GABRG3: variants seen among roughly 807,000 people sequenced by gnomAD.
GABRG3 encodes the protein gamma-aminobutyric acid type A receptor subunit gamma3, also known as gamma-aminobutyric acid receptor subunit gamma-3.
In GABRG3, 25 loss-of-function variants were observed where a neutral mutation model predicts 48.8. That is an observed-to-expected ratio of 0.51 (90% CI 0.37 to 0.72). The LOEUF (loss-of-function observed/expected upper bound fraction) is 0.72, where lower values mean the gene tolerates loss of function less well. GABRG3 is among the 30% of genes least tolerant of loss of function. The pLI is 0.00. For missense variants in GABRG3, 394 were observed against 577.9 expected (o/e 0.68, Z 3.26); for synonymous variants, 227 against 217.6 (o/e 1.04, Z -0.38).
intron 3 of GABRG3, among the ~76,000 whole-genome samples, chr15:27,071,213 G>T (rs182725012): frequency 1.4e-4 from 21 of 152,278 alleles, no homozygotes; most frequent in Non-Finnish European, 2.8e-4. Flanking sequence ...ACCCTTTGGG[G>T]CCAAAGCTGC....
chr15:27,350,385 G>T, intron 5 of GABRG3: 1 of 310,894 alleles, frequency 3.2e-6, no homozygotes, highest in Non-Finnish European at 6.5e-6. Flanking sequence ...TGAATTAAAA[G>T]TTCAAAATCA....
rs113680551 is a variant in GABRG3 at position 27,253,405 on chromosome 15, T to A, written c.271-73404T>A. Among the ~76,000 whole-genome samples, 583 of 152,306 alleles carry A rather than the reference T, an allele frequency of 3.8e-3. 4 individuals carry two copies. The highest frequency in any genetic ancestry group is 0.013 in the African/African-American group (557 of 41,574). On this transcript the variant is annotated intron_variant, in intron 3 of 9. Transcript: ENST00000615808. ...TCTCCTTCTGCCTTAGCGTGGAGGC[T>A]GCTTGCTCTTCCCTCCCCAAGCTGT...
At chr15:27,528,628 T>C (rs754705674) in intron 9 of GABRG3, among the ~76,000 whole-genome samples, 2 of 152,224 alleles carry the variant, frequency 1.3e-5, no homozygotes, top group African/African-American at 4.8e-5. Flanking sequence ...TCCCGAACTT[T>C]CCCTGCATTC....
At chr15:27,140,897 A>G (rs1485133454) in intron 3 of GABRG3, among the ~76,000 whole-genome samples, 1 of 152,134 alleles carries the variant, frequency 6.6e-6, no homozygotes. Context: ...AGAGTGAGGG[A>G]CTGAAAACGG....
chr15:27,485,726 C>T (rs1328101853), intron 6 of GABRG3, among the ~76,000 whole-genome samples: 1 of 152,066 alleles, frequency 6.6e-6, no homozygotes, highest in Admixed American at 6.6e-5. Context: ...AAAAATAACA[C>T]AGGTATCTGA....
intron 3 of GABRG3, among the ~76,000 whole-genome samples, chr15:27,263,627 A>G (rs1364500691): frequency 6.6e-6 from 1 of 152,194 alleles, no homozygotes; most frequent in East Asian, 1.9e-4. Flanking sequence ...CCCAAATGCT[A>G]TGCCTGACTC....
At chr15:27,096,043 T>C (rs2140761161) in intron 3 of GABRG3, among the ~76,000 whole-genome samples, 1 of 152,302 alleles carries the variant, frequency 6.6e-6, no homozygotes, top group Non-Finnish European at 1.5e-5. Context: ...ATCCTTGCAT[T>C]TGGAAATGCT....
At chr15:27,103,884 C>T (rs998912891) in intron 3 of GABRG3, among the ~76,000 whole-genome samples, 3 of 152,230 alleles carry the variant, frequency 2.0e-5, no homozygotes, top group Non-Finnish European at 2.9e-5. Flanking sequence ...TAGAATTATA[C>T]ACCTTTCAAA....
At chr15:27,313,980 T>C (rs1308748309) in intron 3 of GABRG3, among the ~76,000 whole-genome samples, 1 of 150,780 alleles carries the variant, frequency 6.6e-6, no homozygotes, top group Non-Finnish European at 1.5e-5. Flanking sequence ...AGAGGATAAA[T>C]AAACAAAGAA....
chr15:27,380,140 G>A (rs1318344751), intron 5 of GABRG3, among the ~76,000 whole-genome samples: 5 of 152,006 alleles, frequency 3.3e-5, no homozygotes, highest in Admixed American at 6.5e-5. Context: ...CAAGCTTACC[G>A]TTTTCTCAGC....
chr15:27,378,898 G>A (rs1346399960), intron 5 of GABRG3, among the ~76,000 whole-genome samples: 1 of 152,118 alleles, frequency 6.6e-6, no homozygotes, highest in East Asian at 1.9e-4. Flanking sequence ...GGATGAAGTG[G>A]GTCTTCTCTG....
At chr15:27,268,693 C>T (rs1890993293) in intron 3 of GABRG3, among the ~76,000 whole-genome samples, 1 of 152,154 alleles carries the variant, frequency 6.6e-6, no homozygotes, top group African/African-American at 2.4e-5. Context: ...TAGATACATT[C>T]TGCATGTTTT....
chr15:27,252,229 CCTT>C (rs1451084210), intron 3 of GABRG3, among the ~76,000 whole-genome samples: 1 of 152,146 alleles, frequency 6.6e-6, no homozygotes, highest in African/African-American at 2.4e-5. Flanking sequence ...CACCAGCCCT[CCTT>C]CTCACCGATG....
At chr15:26,982,125 T>C (rs2140639048) in intron 2 of GABRG3, among the ~76,000 whole-genome samples, 1 of 152,346 alleles carries the variant, frequency 6.6e-6, no homozygotes. Flanking sequence ...GTCACCACAG[T>C]GTTTGCATCC....
chr15:27,308,854 A>G (rs868528800), intron 3 of GABRG3, among the ~76,000 whole-genome samples: 5 of 150,368 alleles, frequency 3.3e-5, no homozygotes, highest in African/African-American at 1.2e-4. Flanking sequence ...CACAGAATGT[A>G]AACATATATG....
chr15:27,160,841 A>G (rs756035932), intron 3 of GABRG3, among the ~76,000 whole-genome samples: 15 of 152,120 alleles, frequency 9.9e-5, no homozygotes, highest in Non-Finnish European at 1.6e-4. Context: ...TGGGCCTCAT[A>G]TTAGGATGAA....
At chr15:26,979,926 C>T (rs1364286976) in intron 2 of GABRG3, among the ~76,000 whole-genome samples, 1 of 152,110 alleles carries the variant, frequency 6.6e-6, no homozygotes, top group Non-Finnish European at 1.5e-5. Flanking sequence ...TGTGTTAATT[C>T]TTTAAATGTT....
chr15:27,091,737 G>T (rs1011519142), intron 3 of GABRG3, among the ~76,000 whole-genome samples: 1 of 152,154 alleles, frequency 6.6e-6, no homozygotes, highest in Non-Finnish European at 1.5e-5. Context: ...ACCAACAAAC[G>T]TGGTTCCTTG....
intron 2 of GABRG3, among the ~76,000 whole-genome samples, chr15:27,002,834 G>A (rs1244943503): frequency 1.3e-5 from 2 of 151,820 alleles, no homozygotes; most frequent in African/African-American, 4.8e-5. Context: ...ATCTGGTGGT[G>A]TGTGCCTGTG....
Sources: allele counts gnomAD v4.1 joint callset (sites outside exome capture counted in the v4.1 genomes callset), GRCh38; gene constraint gnomAD v4.1.1; transcripts MANE v1.5; gene names NCBI Gene and HGNC (gene_info 2026-07-23, HGNC 2026-07-21).